The following TASOR variants were observed in gnomAD, a reference collection of about 807,000 sequenced individuals.
TASOR encodes protein TASOR.
A neutral mutation model predicts 178.6 loss-of-function variants in TASOR; 53 were observed. That is an observed-to-expected ratio of 0.30 (90% CI 0.24 to 0.37). The LOEUF is 0.37. Among genes scored for constraint, TASOR ranks in the 10% least tolerant of loss-of-function variants. The pLI is 1.00. For missense variants in TASOR, 1,815 were observed against 1,971.4 expected, an observed-to-expected ratio of 0.92 and a Z score of 1.50; for synonymous variants, 713 against 696.2, an observed-to-expected ratio of 1.02 and a Z score of -0.38.
chr3:56,623,981 A>G (rs895788886), intron 23 of TASOR: 20 of 664,922 alleles, frequency 3.0e-5, no homozygotes, highest in Admixed American at 2.4e-4. Context: ...ATCAAAAACA[A>G]AAGTACATCT....
chr3:56,678,592 T>C (rs1316764431), intron 1 of TASOR, among the ~76,000 whole-genome samples: 2 of 152,238 alleles, frequency 1.3e-5, no homozygotes, highest in African/African-American at 4.8e-5. Flanking sequence ...TCAATTAGTT[T>C]TACCAATTTG....
chr3:56,649,123 C>T (rs1331903075), intron 11 of TASOR, 66 bp from the exon 12 acceptor site: 6 of 1,187,664 alleles, frequency 5.1e-6, no homozygotes, highest in East Asian at 2.5e-5. Flanking sequence ...GGCAGACACA[C>T]AGCATTTTCT....
chr3:56,668,393 C>G lies in TASOR; in HGVS notation c.897+4G>C. ...ACAACATTACAACGGATCCTGGAAC[C>G]TACCTGAGTAAGCTCATAGGCTCTG... On this transcript the variant is annotated splice_donor_region_variant and intron_variant, in intron 6 of 23. Transcript: ENST00000683822. 6.4e-7 allele frequency: 1 copy of G among 1,550,394 alleles called. No homozygotes were observed. Among genetic ancestry groups the G allele is most frequent in the Non-Finnish European group, 8.7e-7 (1 of 1,146,570 alleles).
chr3:56,621,496 C>T lies in TASOR; in HGVS notation c.*1541G>A. 7.5e-7 allele frequency: 1 copy of T among 1,336,106 alleles called. No individual in the cohort carries two copies. Among genetic ancestry groups the T allele is most frequent in the Middle Eastern group, 1.9e-4 (1 of 5,336 alleles). 82.8% of individuals were successfully genotyped at this position (1,336,106 alleles called of 1,614,324 possible). On this transcript the variant is annotated 3_prime_UTR_variant, in exon 24 of 24. Coordinates refer to ENST00000683822, the MANE Select transcript of TASOR (RefSeq NM_001365635.2). Reference sequence around the variant, plus strand: ...CACAACATTGCAAGTCAGGTGTGCACATTTTACTAACAAACATATATCAAT... The same window carrying T: ...CACAACATTGCAAGTCAGGTGTGCATATTTTACTAACAAACATATATCAAT...
At chr3:56,676,395 T>C (rs1010600231) in intron 1 of TASOR, among the ~76,000 whole-genome samples, 3 of 152,208 alleles carry the variant, frequency 2.0e-5, no homozygotes, top group Admixed American at 2.0e-4. Context: ...GCATATATTG[T>C]CTTCATTCAA....
chr3:56,632,721 A>G (rs1370717821), intron 18 of TASOR, among the ~76,000 whole-genome samples: 6 of 152,022 alleles, frequency 3.9e-5, no homozygotes, highest in African/African-American at 1.4e-4. Context: ...GCTAACTGTA[A>G]TCTTGAATGC....
At position 56,669,739 on chromosome 3, in the gene TASOR, C is replaced by G; in HGVS notation, c.696G>C (p.Thr232=). 1 of 1,549,420 alleles carries G rather than the reference C, an allele frequency of 6.5e-7. No homozygotes were observed. Among genetic ancestry groups the G allele is most frequent in the Admixed American group, 2.0e-5 (1 of 50,786 alleles). Residue 232 remains threonine, a synonymous_variant, in exon 5 of 24, where the codon ACG becomes ACC. Coordinates refer to ENST00000683822, the MANE Select transcript of TASOR (RefSeq NM_001365635.2). Reference sequence around the variant, plus strand: ...AAATAACAACATCACCCATTGCCCCCGTGTCCAAAGGATTCGCTTGTAATA... The same window carrying G: ...AAATAACAACATCACCCATTGCCCCGGTGTCCAAAGGATTCGCTTGTAATA... The part of the protein sequence containing the change: ...ADLLQANPLD[T]GAMGDVVIFK...
At chr3:56,643,908 T>G (rs1229246437) in intron 14 of TASOR, among the ~76,000 whole-genome samples, 2 of 152,342 alleles carry the variant, frequency 1.3e-5, no homozygotes, top group Non-Finnish European at 2.9e-5. Flanking sequence ...CATTCTACCC[T>G]TCTTCCTCTG....
rs1328745159 is a variant in TASOR, at chr3:56,682,646, G to A, written c.331+30C>T. The A allele has an allele frequency of 2.2e-5, 32 of 1,434,298 alleles. No homozygotes were observed. The Admixed American group carries it at 9.2e-4, about 41-fold the overall frequency. 88.8% of individuals were successfully genotyped at this position (1,434,298 alleles called of 1,614,324 possible). ...AATGAAAAGATGGAGGGGAGAGAGA[G>A]AGGGGGTTGAGAAGAAGGGGAGGCA... On this transcript the variant is annotated intron_variant, in intron 1 of 23. Coordinates refer to ENST00000683822, the MANE Select transcript of TASOR (RefSeq NM_001365635.2).
rs565253498 is a variant in TASOR, at chr3:56,662,126, G to A, written c.1160+259C>T. ...GACTGAGTGACAAGAGCGAAACTCC[G>A]TCTCAAAAAAAAAAAAAAAAGATAA... is the stretch of plus-strand genomic sequence containing the variant. On this transcript the variant is annotated intron_variant, in intron 9 of 23. Transcript: ENST00000683822. Among the ~76,000 whole-genome samples, 18 of 135,484 alleles carry A rather than the reference G, an allele frequency of 1.3e-4. No individual in the cohort carries two copies. The East Asian group carries it at 1.7e-3, about 13-fold the overall frequency. 88.9% of individuals were successfully genotyped at this position (135,484 alleles called of 152,430 possible).
At chr3:56,677,838 T>C (rs764162063) in intron 1 of TASOR, among the ~76,000 whole-genome samples, 2 of 152,220 alleles carry the variant, frequency 1.3e-5, no homozygotes, top group Admixed American at 6.5e-5. Flanking sequence ...CCAAGAGTCG[T>C]AACACCCTTT....
intron 5 of TASOR, 133 bp downstream of exon 5, chr3:56,669,567 C>T: frequency 1.7e-6 from 1 of 585,822 alleles, no homozygotes; most frequent in Non-Finnish European, 2.9e-6. Context: ...AAACCATTTT[C>T]AAAAGTATCT....
chr3:56,626,922 C>T, intron 21 of TASOR, 115 bp downstream of exon 21: 1 of 623,496 alleles, frequency 1.6e-6, no homozygotes, highest in East Asian at 2.8e-5. Context: ...TTATGGCTGG[C>T]TATGGACATC....
chr3:56,655,610 A>T (rs567839822), intron 11 of TASOR, among the ~76,000 whole-genome samples: 138 of 152,276 alleles, frequency 9.1e-4, no homozygotes, highest in Middle Eastern at 3.4e-3. Flanking sequence ...TCTATTAAAA[A>T]TTTTAAAAAA....
chr3:56,668,535 G>A lies in TASOR; in HGVS notation c.759C>T (p.Asp253=). ...IMKGKIKSIY[D]PMGVKSLESM... ...ATTCCAAACTTTTTACACCCATGGG[G>A]TCATATATACTCTTTATTTTACCCT... Residue 253 remains aspartate (D), a synonymous_variant, in exon 6 of 24, where the codon GAC becomes GAT. Transcript: ENST00000683822. 6.4e-7 allele frequency: 1 copy of A among 1,550,818 alleles called. No homozygotes were observed. Among genetic ancestry groups the A allele is most frequent in the Non-Finnish European group, 8.7e-7 (1 of 1,146,524 alleles).
Position 56,633,880 on chromosome 3 carries a change from TTC to T in TASOR, c.2909_2910del (p.Arg970LysfsTer3). The T allele has an allele frequency of 6.2e-7, 1 of 1,605,568 alleles. No homozygotes were observed. Among genetic ancestry groups the T allele is most frequent in the South Asian group, 1.1e-5 (1 of 89,924 alleles). On this transcript the variant is annotated frameshift_variant, in exon 18 of 24. Coordinates refer to ENST00000683822, the MANE Select transcript of TASOR (RefSeq NM_001365635.2). LOFTEE classifies it high-confidence loss of function. ...GAGGATGGAAACTGGTAATCAGAAC[TTC>T]TCTGTCTATTTATTACCCGGGGGTC... is the stretch of plus-strand genomic sequence containing the variant. ...PNDPRVINRQ[R>X]SSDYQFPSSP...
At chr3:56,644,527 CAGAG>C (rs915761510) in intron 14 of TASOR, among the ~76,000 whole-genome samples, 4 of 152,088 alleles carry the variant, frequency 2.6e-5, no homozygotes, top group Admixed American at 6.5e-5. Context: ...ATACTCTAGG[CAGAG>C]AGAGATGACC....
At chr3:56,671,207 G>C (rs10780039) in intron 3 of TASOR, 49,766 of 155,584 alleles carry the variant, frequency 0.32, 8,478 homozygotes, top group East Asian at 0.49. Flanking sequence ...GGTGTGGGGG[G>C]GTGTTTCTGT....
At chr3:56,680,351 G>A (rs1283353033) in intron 1 of TASOR, among the ~76,000 whole-genome samples, 1 of 152,138 alleles carries the variant, frequency 6.6e-6, no homozygotes, top group East Asian at 1.9e-4. Context: ...ACAAGTGTTT[G>A]CCAATATTAT....
Sources: gnomAD v4.1 joint callset for allele counts (sites outside exome capture counted in the v4.1 genomes callset) on GRCh38, gnomAD v4.1.1 for gene constraint, MANE v1.5 for transcripts, NCBI Gene and HGNC (gene_info 2026-07-23, HGNC 2026-07-21) for gene names.